ATOSA: variants seen among roughly 807,000 people sequenced by gnomAD.
ATOSA encodes atos homolog protein A.
At chr15:52,681,987 T>A in the ATOSA span, among the ~76,000 whole-genome samples, 2 of 152,218 alleles carry the variant, frequency 1.3e-5, no homozygotes, top group Admixed American at 1.3e-4. Flanking sequence ...GGTACCTTCT[T>A]CTTTCTTGTA....
At chr15:52,605,778 T>A in the ATOSA span, among the ~76,000 whole-genome samples, 2 of 152,114 alleles carry the variant, frequency 1.3e-5, no homozygotes, top group Non-Finnish European at 2.9e-5. Flanking sequence ...TAATACCTGA[T>A]TATTTCAATT....
chr15:52,650,749 C>G, the ATOSA span, among the ~76,000 whole-genome samples: 3 of 152,166 alleles, frequency 2.0e-5, no homozygotes, highest in Admixed American at 1.3e-4. Context: ...CTTTACTCAT[C>G]AGACATACAT....
chr15:52,611,456 A>T, the ATOSA span: 1 of 1,218,274 alleles, frequency 8.2e-7, no homozygotes. Context: ...AAATATAAAT[A>T]CTATCTCAAT....
At chr15:52,671,822 G>A in the ATOSA span, among the ~76,000 whole-genome samples, 3 of 151,108 alleles carry the variant, frequency 2.0e-5, no homozygotes, top group Middle Eastern at 3.4e-3. Flanking sequence ...AAGGAATTTC[G>A]CATACCAGAT....
the ATOSA span, among the ~76,000 whole-genome samples, chr15:52,634,237 A>G: frequency 5.9e-5 from 9 of 152,256 alleles, no homozygotes; most frequent in Admixed American, 3.9e-4. Context: ...GTTCAAGACC[A>G]GCCTGGCCAA....
chr15:52,707,380 G>T, the ATOSA span, among the ~76,000 whole-genome samples: 1 of 152,190 alleles, frequency 6.6e-6, no homozygotes, highest in Non-Finnish European at 1.5e-5. Flanking sequence ...CTCCAGAAAT[G>T]ATATTCTGAG....
At chr15:52,671,339 G>C in the ATOSA span, among the ~76,000 whole-genome samples, 1 of 152,104 alleles carries the variant, frequency 6.6e-6, no homozygotes, top group African/African-American at 2.4e-5. Flanking sequence ...CCCTAAATTG[G>C]CAGAAGTTCA....
At chr15:52,612,653 C>G in the ATOSA span, among the ~76,000 whole-genome samples, 1 of 151,838 alleles carries the variant, frequency 6.6e-6, no homozygotes, top group Non-Finnish European at 1.5e-5. Flanking sequence ...TACAGGCACC[C>G]ACCACCACAC....
the ATOSA span, chr15:52,610,367 C>T: frequency 1.7e-5 from 28 of 1,608,694 alleles, no homozygotes; most frequent in Middle Eastern, 3.3e-4. Flanking sequence ...TGTAGGTCTA[C>T]ATCAGCAGCA....
chr15:52,657,370 G>A, the ATOSA span: 1 of 152,102 alleles, frequency 6.6e-6, no homozygotes, highest in African/African-American at 2.4e-5. Context: ...AGTCCCCAAA[G>A]CTTTAATACT....
chr15:52,619,474 GA>G, the ATOSA span, among the ~76,000 whole-genome samples: 18 of 151,038 alleles, frequency 1.2e-4, no homozygotes, highest in Middle Eastern at 3.4e-3. Flanking sequence ...ACTTTTACAA[GA>G]AAAAAAACAC....
At chr15:52,600,107 A>G in the ATOSA span, 1 of 1,341,542 alleles carries the variant, frequency 7.5e-7, no homozygotes, top group Non-Finnish European at 1.1e-6. Context: ...CATTTAAAGA[A>G]CAGTTTCAAA....
At chr15:52,606,844 A>T in the ATOSA span, among the ~76,000 whole-genome samples, 1 of 152,218 alleles carries the variant, frequency 6.6e-6, no homozygotes, top group East Asian at 1.9e-4. Context: ...AATTTGAGTG[A>T]TAAAGAAGAC....
At chr15:52,611,177 T>C in the ATOSA span, 9 of 1,613,900 alleles carry the variant, frequency 5.6e-6, no homozygotes, top group South Asian at 7.7e-5. Flanking sequence ...CACTCAGCCA[T>C]GCACTTAACT....
the ATOSA span, among the ~76,000 whole-genome samples, chr15:52,697,592 T>G: frequency 8.3e-4 from 127 of 152,332 alleles, 2 homozygotes; most frequent in East Asian, 0.021. Flanking sequence ...CCCAGTTTTC[T>G]TATAACCTTT....
At chr15:52,672,381 G>C in the ATOSA span, among the ~76,000 whole-genome samples, 2 of 151,402 alleles carry the variant, frequency 1.3e-5, no homozygotes, top group Admixed American at 1.3e-4. Context: ...CTAACATGAG[G>C]AACTCTTCTG....
At chr15:52,600,044 C>T in the ATOSA span, 20 of 533,392 alleles carry the variant, frequency 3.7e-5, no homozygotes, top group Non-Finnish European at 6.2e-5. Flanking sequence ...CTTTTCACAA[C>T]CAAAGTTAAA....
At chr15:52,694,894 C>CCCCATTAT in the ATOSA span, among the ~76,000 whole-genome samples, 1 of 151,454 alleles carries the variant, frequency 6.6e-6, no homozygotes, top group Non-Finnish European at 1.5e-5. Context: ...CCATACTTTC[C>CCCCATTAT]CCCATTATTC....
the ATOSA span, among the ~76,000 whole-genome samples, chr15:52,616,213 G>A: frequency 1.5e-3 from 231 of 152,324 alleles, no homozygotes; most frequent in African/African-American, 5.3e-3. Flanking sequence ...GGTATGTGGT[G>A]GAAGACAGTG....
Sources: gnomAD v4.1 joint callset for allele counts (sites outside exome capture counted in the v4.1 genomes callset) on GRCh38, gnomAD v4.1.1 for gene constraint, MANE v1.5 for transcripts, NCBI Gene and HGNC (gene_info 2026-07-23, HGNC 2026-07-21) for gene names.